The following TOX variants were observed in gnomAD, a reference collection of about 807,000 sequenced individuals.
The protein encoded by TOX is thymocyte selection-associated high mobility group box protein TOX.
TOX carries 11 observed loss-of-function variants against 53.7 expected under a neutral mutation model. That is an observed-to-expected ratio of 0.20 (90% CI 0.13 to 0.34). The LOEUF (loss-of-function observed/expected upper bound fraction) is 0.34. TOX is among the 10% of genes least tolerant of loss of function. The pLI, the probability that TOX is intolerant of heterozygous loss-of-function variation, is 1.00. For synonymous variants in TOX, 225 were observed against 245.3 expected, an observed-to-expected ratio of 0.92 and a Z score of 0.77; for missense variants, 570 against 664.6, an observed-to-expected ratio of 0.86 and a Z score of 1.56.
At chr8:58,940,425 C>T (rs1812418752) in intron 2 of TOX, among the ~76,000 whole-genome samples, 1 of 151,054 alleles carries the variant, frequency 6.6e-6, no homozygotes, top group Admixed American at 6.6e-5. Flanking sequence ...TGAGGACATG[C>T]CTGTTTGAAA....
At chr8:59,057,053 G>A (rs1803900695) in intron 1 of TOX, among the ~76,000 whole-genome samples, 1 of 152,170 alleles carries the variant, frequency 6.6e-6, no homozygotes, top group African/African-American at 2.4e-5. Flanking sequence ...TCCCAAAGCA[G>A]TGCTGTCTCC....
intron 1 of TOX, among the ~76,000 whole-genome samples, chr8:59,054,342 C>T (rs1803846103): frequency 6.6e-6 from 1 of 152,170 alleles, no homozygotes; most frequent in Admixed American, 6.5e-5. Context: ...GGCAAGAAAA[C>T]ATTTTCAACT....
intron 2 of TOX, among the ~76,000 whole-genome samples, chr8:58,947,667 G>A (rs1204597564): frequency 6.6e-6 from 1 of 152,120 alleles, no homozygotes; most frequent in Non-Finnish European, 1.5e-5. Context: ...GGGAACTTAG[G>A]CTCTCAATAA....
rs529242727 is a variant in TOX at position 58,824,873 on chromosome 8, T to A, written c.1005+1949A>T. On this transcript the variant is annotated intron_variant, in intron 6 of 8. Coordinates refer to ENST00000361421, the MANE Select transcript of TOX (RefSeq NM_014729.3). ...GTCAAATGAATATACAAATGGGGGGTGGGGAAAAAATAGAGCTTGGTTGGC... is the reference window on the plus strand; with the variant it reads ...GTCAAATGAATATACAAATGGGGGGAGGGGAAAAAATAGAGCTTGGTTGGC... Among the ~76,000 whole-genome samples, 156 of 151,788 alleles carry A rather than the reference T, an allele frequency of 1.0e-3. 1 individual carries two copies. The highest frequency in any genetic ancestry group is 0.01 in the Middle Eastern group (3 of 292).
At chr8:59,001,948 A>G (rs1430254040) in intron 1 of TOX, among the ~76,000 whole-genome samples, 2 of 151,152 alleles carry the variant, frequency 1.3e-5, no homozygotes, top group Non-Finnish European at 2.9e-5. Flanking sequence ...AGACAATGGC[A>G]CAATTTAAAA....
At chr8:58,966,478 C>T (rs549932185) in intron 1 of TOX, among the ~76,000 whole-genome samples, 8 of 152,078 alleles carry the variant, frequency 5.3e-5, no homozygotes, top group Non-Finnish European at 8.8e-5. Flanking sequence ...AACTACAGAT[C>T]TGAATGGTAT....
chr8:59,081,147 C>T (rs904676498), intron 1 of TOX, among the ~76,000 whole-genome samples: 4 of 152,148 alleles, frequency 2.6e-5, no homozygotes, highest in Non-Finnish European at 5.9e-5. Flanking sequence ...CTGCCTCAGC[C>T]TCCTGAGTAG....
chr8:59,078,330 C>T (rs1804330813), intron 1 of TOX, among the ~76,000 whole-genome samples: 1 of 152,086 alleles, frequency 6.6e-6, no homozygotes, highest in South Asian at 2.1e-4. Context: ...AATTGTAATC[C>T]CCAGTGCTGG....
intron 5 of TOX, among the ~76,000 whole-genome samples, chr8:58,832,188 T>C (rs1160895217): frequency 1.4e-5 from 2 of 148,082 alleles, no homozygotes; most frequent in Non-Finnish European, 3.0e-5. Flanking sequence ...ATATATAATA[T>C]ATGTAATATG....
rs34509406 is a variant in TOX, at chr8:58,909,660, C to CTT, written c.411+29640_411+29641dup. On this transcript the variant is annotated intron_variant, in intron 3 of 8. Transcript: ENST00000361421. ...ATATGTCTCTTAATTCTCTCTCTCT[C>CTT]TTTTTTTTTTTTTTTGAGAGGAAGT... 5.6e-4 allele frequency among the ~76,000 whole-genome samples: 80 copies of CTT among 143,032 alleles called. 1 individual carries two copies. The highest frequency in any genetic ancestry group is 2.2e-3 in the Admixed American group (32 of 14,290). The allele number at this position is 143,032 out of a possible 152,430, so 93.8% of individuals were successfully genotyped here.
chr8:59,027,449 G>A (rs574299653), intron 1 of TOX, among the ~76,000 whole-genome samples: 1 of 35,372 alleles, frequency 2.8e-5, no homozygotes, highest in Non-Finnish European at 5.9e-5. Flanking sequence ...ATAGGAACAA[G>A]GTTTTTTTTT....
intron 3 of TOX, among the ~76,000 whole-genome samples, chr8:58,918,816 A>G (rs997699020): frequency 7.2e-6 from 1 of 138,012 alleles, no homozygotes; most frequent in African/African-American, 2.8e-5. Flanking sequence ...CCATTGTCTC[A>G]GCCCAAAATC....
intron 3 of TOX, among the ~76,000 whole-genome samples, chr8:58,883,822 G>C (rs1202445322): frequency 6.6e-6 from 1 of 151,950 alleles, no homozygotes; most frequent in Non-Finnish European, 1.5e-5. Flanking sequence ...TGATTGACTT[G>C]AAAAATAATT....
chr8:59,116,165 A>C (rs1805095839), intron 1 of TOX, among the ~76,000 whole-genome samples: 1 of 152,216 alleles, frequency 6.6e-6, no homozygotes, highest in Non-Finnish European at 1.5e-5. Flanking sequence ...TAGCACACCA[A>C]CTTTAAATAA....
intron 1 of TOX, among the ~76,000 whole-genome samples, chr8:59,074,638 A>G (rs549723644): frequency 6.6e-6 from 1 of 152,322 alleles, no homozygotes; most frequent in East Asian, 1.9e-4. Context: ...GATGTTGTAG[A>G]CAGAAATTAA....
intron 1 of TOX, among the ~76,000 whole-genome samples, chr8:59,029,352 G>A (rs1814310050): frequency 6.7e-6 from 1 of 150,018 alleles, no homozygotes; most frequent in African/African-American, 2.5e-5. Context: ...CACTAACAAA[G>A]TGCATAAGTA....
intron 1 of TOX, among the ~76,000 whole-genome samples, chr8:58,980,740 C>T (rs1813190776): frequency 6.6e-6 from 1 of 152,180 alleles, no homozygotes; most frequent in African/African-American, 2.4e-5. Context: ...TGCCCTTCTT[C>T]AAATCTACCC....
At chr8:59,100,470 T>C (rs1019807760) in intron 1 of TOX, among the ~76,000 whole-genome samples, 91 of 152,152 alleles carry the variant, frequency 6.0e-4, no homozygotes, top group Non-Finnish European at 1.3e-4. Flanking sequence ...GAAAAGGTAA[T>C]AAGAGCTTCA....
chr8:58,900,430 T>A (rs1811716437), intron 3 of TOX, among the ~76,000 whole-genome samples: 1 of 152,142 alleles, frequency 6.6e-6, no homozygotes, highest in Non-Finnish European at 1.5e-5. Flanking sequence ...AATATCGAAG[T>A]GTAGAAGATG....
Sources: gnomAD v4.1 joint callset for allele counts (sites outside exome capture counted in the v4.1 genomes callset) on GRCh38, gnomAD v4.1.1 for gene constraint, MANE v1.5 for transcripts, NCBI Gene and HGNC (gene_info 2026-07-23, HGNC 2026-07-21) for gene names.